RNF180: variants seen among roughly 807,000 people sequenced by gnomAD.
The protein encoded by RNF180 is ring finger protein 180, also known as E3 ubiquitin-protein ligase RNF180.
In RNF180, 38 loss-of-function variants were observed where a neutral mutation model predicts 59.2. That is an observed-to-expected ratio of 0.64 (90% CI 0.50 to 0.84). The LOEUF (loss-of-function observed/expected upper bound fraction) is 0.84. Among genes scored for constraint, RNF180 ranks in the 40% least tolerant of loss-of-function variants. The pLI, the probability that RNF180 is intolerant of heterozygous loss-of-function variation, is 0.00. For missense variants in RNF180, 705 were observed against 700.9 expected (o/e 1.01, Z -0.07); for synonymous variants, 262 against 240.3 (o/e 1.09, Z -0.84).
At chr5:64,194,983 T>C (rs1057002777) in intron 1 of RNF180, among the ~76,000 whole-genome samples, 7 of 152,182 alleles carry the variant, frequency 4.6e-5, no homozygotes, top group African/African-American at 1.4e-4. Context: ...TATATGTATG[T>C]AAAATACCAG....
intron 1 of RNF180, among the ~76,000 whole-genome samples, chr5:64,195,546 A>G (rs764554427): frequency 2.0e-4 from 30 of 152,314 alleles, no homozygotes; most frequent in East Asian, 1.7e-3. Context: ...GGAAACTGCA[A>G]CTTTAATCAG....
chr5:64,253,000 G>A (rs1175890416), intron 5 of RNF180, among the ~76,000 whole-genome samples: 1 of 151,956 alleles, frequency 6.6e-6, no homozygotes, highest in Admixed American at 6.6e-5. Context: ...TCAAGGATGG[G>A]ATAAAGGAAG....
intron 6 of RNF180, among the ~76,000 whole-genome samples, chr5:64,326,014 G>T (rs1003915627): frequency 1.3e-5 from 2 of 152,016 alleles, no homozygotes; most frequent in Non-Finnish European, 2.9e-5. Context: ...AATGACTAAG[G>T]GTAGAATGAT....
chr5:64,345,074 A>G (rs1253373458), intron 7 of RNF180, among the ~76,000 whole-genome samples: 1 of 152,070 alleles, frequency 6.6e-6, no homozygotes, highest in East Asian at 1.9e-4. Context: ...TAAATAATGC[A>G]ATTTGCAAGG....
intron 5 of RNF180, among the ~76,000 whole-genome samples, chr5:64,243,479 C>T (rs1190212516): frequency 2.0e-5 from 3 of 152,194 alleles, no homozygotes; most frequent in Non-Finnish European, 4.4e-5. Context: ...GAAGTTTGAA[C>T]TGGGTGGGGC....
At chr5:64,323,532 G>C (rs564194529) in intron 5 of RNF180, among the ~76,000 whole-genome samples, 21 of 151,016 alleles carry the variant, frequency 1.4e-4, no homozygotes, top group African/African-American at 5.2e-4. Flanking sequence ...AGTAAGACTC[G>C]GTGTCAAAAT....
intron 5 of RNF180, among the ~76,000 whole-genome samples, chr5:64,256,382 G>T (rs1042075447): frequency 2.0e-5 from 3 of 152,122 alleles, no homozygotes; most frequent in Non-Finnish European, 4.4e-5. Context: ...TTTGTATAAG[G>T]TGTAAGGAAG....
At chr5:64,306,000 A>G (rs555626743) in intron 5 of RNF180, among the ~76,000 whole-genome samples, 72 of 151,822 alleles carry the variant, frequency 4.7e-4, no homozygotes, top group African/African-American at 1.6e-3. Context: ...GCCTAGCTTG[A>G]TATCAATGGA....
At chr5:64,258,009 A>C (rs745958196) in intron 5 of RNF180, among the ~76,000 whole-genome samples, 2 of 152,226 alleles carry the variant, frequency 1.3e-5, no homozygotes, top group Non-Finnish European at 2.9e-5. Flanking sequence ...AGTGCCATAA[A>C]AGAAGGAATA....
At chr5:64,168,839 A>C (rs1243515466) in intron 1 of RNF180, among the ~76,000 whole-genome samples, 1 of 152,206 alleles carries the variant, frequency 6.6e-6, no homozygotes, top group East Asian at 1.9e-4. Context: ...ATTTCGACAA[A>C]TTTAGTTTAA....
chr5:64,242,003 A>G (rs1410396574), intron 5 of RNF180, among the ~76,000 whole-genome samples: 4 of 152,176 alleles, frequency 2.6e-5, no homozygotes, highest in Non-Finnish European at 4.4e-5. Flanking sequence ...CTTAGTCTCT[A>G]GTCCTCCCAC....
At chr5:64,359,334 G>C (rs1207327510) in intron 7 of RNF180, among the ~76,000 whole-genome samples, 1 of 148,270 alleles carries the variant, frequency 6.7e-6, no homozygotes, top group Non-Finnish European at 1.5e-5. Flanking sequence ...ATTCTAACTG[G>C]TGTGAGATGG....
At chr5:64,238,824 GTTGT>G (rs1742606913) in intron 5 of RNF180, among the ~76,000 whole-genome samples, 1 of 152,066 alleles carries the variant, frequency 6.6e-6, no homozygotes, top group African/African-American at 2.4e-5. Context: ...CCGTATAGAA[GTTGT>G]TTGAGTTTGA....
At chr5:64,196,032 A>G (rs967010024) in intron 1 of RNF180, among the ~76,000 whole-genome samples, 1 of 152,214 alleles carries the variant, frequency 6.6e-6, no homozygotes, top group African/African-American at 2.4e-5. Flanking sequence ...TATTTTTCTC[A>G]TCAGTGTTAC....
intron 5 of RNF180, among the ~76,000 whole-genome samples, chr5:64,238,181 T>C (rs992460944): frequency 1.3e-5 from 2 of 152,224 alleles, no homozygotes; most frequent in East Asian, 1.9e-4. Flanking sequence ...TCCTTCTTTT[T>C]TTAAGGCTGT....
chr5:64,245,562 GCTAA>G (rs1168004893), intron 5 of RNF180, among the ~76,000 whole-genome samples: 2 of 152,160 alleles, frequency 1.3e-5, no homozygotes, highest in South Asian at 2.1e-4. Flanking sequence ...AACAAGAAGA[GCTAA>G]CTATCCTAAA....
At chr5:64,169,889 A>G (rs1749847342) in intron 1 of RNF180, among the ~76,000 whole-genome samples, 1 of 152,234 alleles carries the variant, frequency 6.6e-6, no homozygotes, top group Non-Finnish European at 1.5e-5. Flanking sequence ...CTTCATTTGT[A>G]TTACTCTAAG....
intron 1 of RNF180, among the ~76,000 whole-genome samples, chr5:64,169,678 A>G (rs750119477): frequency 6.6e-6 from 1 of 152,206 alleles, no homozygotes; most frequent in Non-Finnish European, 1.5e-5. Flanking sequence ...GAGTCTCTAT[A>G]ATACCGGAAT....
At chr5:64,337,026 T>C (rs1745156723) in intron 7 of RNF180, among the ~76,000 whole-genome samples, 2 of 151,910 alleles carry the variant, frequency 1.3e-5, no homozygotes, top group South Asian at 4.1e-4. Flanking sequence ...TTTTTGTTTT[T>C]GTTTTTGTTT....
Sources: gnomAD v4.1 joint callset for allele counts (sites outside exome capture counted in the v4.1 genomes callset) on GRCh38, gnomAD v4.1.1 for gene constraint, MANE v1.5 for transcripts, NCBI Gene and HGNC (gene_info 2026-07-23, HGNC 2026-07-21) for gene names.